Variants in CAB39L observed in about 807,000 individuals in gnomAD.
The protein encoded by CAB39L is calcium-binding protein 39-like.
Under a neutral mutation model 39.1 loss-of-function variants are expected in CAB39L, and 23 were observed. The observed-to-expected ratio is 0.59, with a 90% CI of 0.42 to 0.83. The LOEUF is 0.83. CAB39L is among the 40% of genes least tolerant of loss of function. The probability of loss-of-function intolerance (pLI) is 0.00; values close to 1 mark genes in which losing one functional copy is unlikely to be tolerated. For synonymous variants in CAB39L, 126 were observed against 137.2 expected, an observed-to-expected ratio of 0.92 and a Z score of 0.57; for missense variants, 366 against 391.9, an observed-to-expected ratio of 0.93 and a Z score of 0.56.
At chr13:49,409,355 T>C (rs572300539) in intron 3 of CAB39L, among the ~76,000 whole-genome samples, 2 of 151,364 alleles carry the variant, frequency 1.3e-5, no homozygotes, top group African/African-American at 4.9e-5. Flanking sequence ...AATGAGGTAA[T>C]AGAGAAATGA....
At position 49,344,181 on chromosome 13, in the gene CAB39L, T is replaced by C. The variant is rs770107360; in HGVS notation, c.622A>G (p.Thr208Ala). 2.6e-6 allele frequency: 4 copies of C among 1,565,464 alleles called. No homozygotes were observed. The highest frequency in any genetic ancestry group is 2.2e-5 in the East Asian group (1 of 44,582). Residue 208 changes from threonine to alanine, a missense_variant and splice_region_variant, in exon 8 of 11, where the codon ACT (threonine) becomes GCT (alanine). Thr to Ala is a moderately conservative substitution (Grantham distance 58, BLOSUM62 0). Coordinates refer to ENST00000409308, the MANE Select transcript of CAB39L (RefSeq NM_001079670.3). ...CTTTAAAAATGATTTCTACTTACAG[T>C]GTCGTAATTTTGTTCTAAGAAGTCT... ...VADFLEQNYD[T>A]IFEDYEKLLQ...
chr13:49,390,713 T>A (rs937486866), intron 3 of CAB39L, among the ~76,000 whole-genome samples: 1 of 151,922 alleles, frequency 6.6e-6, no homozygotes, highest in Non-Finnish European at 1.5e-5. Flanking sequence ...ACTAAGAACA[T>A]GCAATGCAAT....
At position 49,350,904 on chromosome 13, in the gene CAB39L, G is replaced by T. The variant is rs778355461; in HGVS notation, c.404C>A (p.Ala135Asp). The T allele has an allele frequency of 1.9e-6, 3 of 1,583,150 alleles. No homozygotes were observed. Among genetic ancestry groups the T allele is most frequent in the Non-Finnish European group, 2.6e-6 (3 of 1,166,600 alleles). ...ILFMLLKGYE[A>D]PQIALRCGIM... The stretch of plus-strand genomic sequence containing the variant: ...CCCACAACGTAAGGCAATCTGTGGG[G>T]CTTCATATCTAAAGCGTAAACAAGA... Residue 135 changes from alanine to aspartate, a missense_variant, in exon 7 of 11, where the codon GCC becomes GAC. Physicochemically the swap from Ala to Asp is moderately radical, Grantham distance 126. Transcript: ENST00000409308.
intron 10 of CAB39L, among the ~76,000 whole-genome samples, chr13:49,317,509 A>G (rs1954193122): frequency 6.6e-6 from 1 of 152,230 alleles, no homozygotes; most frequent in African/African-American, 2.4e-5. Flanking sequence ...CCACCTGGGC[A>G]ACAGAGTGAG....
At chr13:49,331,507 G>C (rs1954698012) in intron 10 of CAB39L, among the ~76,000 whole-genome samples, 1 of 151,976 alleles carries the variant, frequency 6.6e-6, no homozygotes, top group African/African-American at 2.4e-5. Context: ...ATTGTCTAAA[G>C]GGGTTACTTT....
rs74404370 is a variant in CAB39L at position 49,342,356 on chromosome 13, A to G, written c.624+1823T>C. 9.2e-3 allele frequency among the ~76,000 whole-genome samples: 1,404 copies of G among 152,348 alleles called. 53 individuals are homozygous for G. The highest frequency in any genetic ancestry group is 0.064 in the Admixed American group (979 of 15,304). Reference sequence around the variant, plus strand: ...AATTTAATACTAAAGATTTCAATCAATAAAGATACTTTACCTTAATTTACT... The same window carrying G: ...AATTTAATACTAAAGATTTCAATCAGTAAAGATACTTTACCTTAATTTACT... On this transcript the variant is annotated intron_variant, in intron 8 of 10. Coordinates refer to ENST00000409308, the MANE Select transcript of CAB39L (RefSeq NM_001079670.3).
At position 49,308,651 on chromosome 13, in the gene CAB39L, G is replaced by A. The variant is rs1467516246; in HGVS notation, c.*2163C>T. ...AATGGAATGAAACCAACCAAGAAGT[G>A]TGTGGTACCTTTTATTTAGTCAGTC... On this transcript the variant is annotated 3_prime_UTR_variant, in exon 11 of 11. Transcript: ENST00000409308. 1 of 152,690 alleles carries A rather than the reference G, an allele frequency of 6.5e-6. No individual in the cohort carries two copies. Among genetic ancestry groups the A allele is most frequent in the Non-Finnish European group, 1.5e-5 (1 of 68,040 alleles). 9.5% of individuals were successfully genotyped at this position (152,690 alleles called of 1,614,324 possible). A position where few individuals can be genotyped will look rare whatever the true frequency, so the allele number is the denominator to read the frequency against.
At chr13:49,360,950 G>C (rs1344462579) in intron 5 of CAB39L, among the ~76,000 whole-genome samples, 1 of 152,090 alleles carries the variant, frequency 6.6e-6, no homozygotes, top group Admixed American at 6.5e-5. Context: ...TCAGTCTCAA[G>C]TATTTCCTTA....
chr13:49,414,942 C>T (rs1957054635), intron 3 of CAB39L, among the ~76,000 whole-genome samples: 1 of 151,994 alleles, frequency 6.6e-6, no homozygotes, highest in Non-Finnish European at 1.5e-5. Flanking sequence ...GCCTTTAATC[C>T]CAGCACTTTG....
chr13:49,421,380 T>C (rs1282512039), intron 3 of CAB39L, among the ~76,000 whole-genome samples: 2 of 152,072 alleles, frequency 1.3e-5, no homozygotes, highest in Admixed American at 1.3e-4. Context: ...TGTCTGGCTG[T>C]AAGAGGAGGC....
At chr13:49,398,031 CCTGT>C (rs1956679324) in intron 3 of CAB39L, among the ~76,000 whole-genome samples, 1 of 152,032 alleles carries the variant, frequency 6.6e-6, no homozygotes, top group South Asian at 2.1e-4. Context: ...AAGCCCTGTG[CCTGT>C]CTATGACCTG....
chr13:49,430,963 C>T (rs933647403), intron 3 of CAB39L, among the ~76,000 whole-genome samples: 1 of 152,160 alleles, frequency 6.6e-6, no homozygotes, highest in Non-Finnish European at 1.5e-5. Context: ...AAGACATGTT[C>T]CTCTATTCAC....
intron 3 of CAB39L, among the ~76,000 whole-genome samples, chr13:49,414,654 A>G (rs914991103): frequency 1.3e-5 from 2 of 152,170 alleles, no homozygotes; most frequent in Admixed American, 1.3e-4. Flanking sequence ...TAAAATCATA[A>G]ATATTATATA....
At chr13:49,426,288 A>G (rs1273507063) in intron 3 of CAB39L, among the ~76,000 whole-genome samples, 1 of 152,230 alleles carries the variant, frequency 6.6e-6, no homozygotes, top group Non-Finnish European at 1.5e-5. Flanking sequence ...GCAGAAACTT[A>G]GATCTTTCTT....
Position 49,362,243 on chromosome 13 carries a change from G to A in CAB39L, c.277-2411C>T, listed in dbSNP as rs558621981. Among the ~76,000 whole-genome samples the A allele has an allele frequency of 2.6e-5, 4 of 151,930 alleles. No individual in the cohort carries two copies. In the South Asian group the frequency reaches 8.3e-4, roughly 32 times the overall value. On this transcript the variant is annotated intron_variant, in intron 5 of 10. Coordinates refer to ENST00000409308, the MANE Select transcript of CAB39L (RefSeq NM_001079670.3). ...CCAAGAAAACATGACCTCAACAACT[G>A]AACTAAATAAGACACCAGGGACCAA...
Position 49,310,710 on chromosome 13 carries a change from T to C in CAB39L, c.*104A>G, listed in dbSNP as rs927068707. 4 of 1,174,416 alleles carry C rather than the reference T, an allele frequency of 3.4e-6. No homozygotes were observed. The highest frequency in any genetic ancestry group is 1.5e-5 in the African/African-American group (1 of 65,014). The allele number at this position is 1,174,416 out of a possible 1,614,324, so 72.7% of individuals were successfully genotyped here. A position where few individuals can be genotyped will look rare whatever the true frequency, so the allele number is the denominator to read the frequency against. On this transcript the variant is annotated 3_prime_UTR_variant, in exon 11 of 11. Transcript: ENST00000409308. ...CCCAGAACAATTACAGCAGAAAAAA[T>C]AGGCACCTCCAAAGTCTTCCCAAGA... is the stretch of plus-strand genomic sequence containing the variant.
chr13:49,395,686 T>C (rs1956600641), intron 3 of CAB39L, among the ~76,000 whole-genome samples: 1 of 152,182 alleles, frequency 6.6e-6, no homozygotes, highest in Admixed American at 6.5e-5. Context: ...TTGTAGTAGA[T>C]TTTGGCAGCA....
At chr13:49,392,177 T>C (rs1956502174) in intron 3 of CAB39L, among the ~76,000 whole-genome samples, 1 of 152,202 alleles carries the variant, frequency 6.6e-6, no homozygotes, top group Admixed American at 6.6e-5. Context: ...GAGGTTATTA[T>C]ACTACATATA....
chr13:49,419,511 A>C (rs1048005165), intron 3 of CAB39L, among the ~76,000 whole-genome samples: 2 of 152,148 alleles, frequency 1.3e-5, no homozygotes, highest in African/African-American at 4.8e-5. Context: ...CCGGGAGGTC[A>C]AGGCTGCAGT....
Sources: gnomAD v4.1 joint callset for allele counts (sites outside exome capture counted in the v4.1 genomes callset) on GRCh38, gnomAD v4.1.1 for gene constraint, MANE v1.5 for transcripts, NCBI Gene and HGNC (gene_info 2026-07-23, HGNC 2026-07-21) for gene names.